SPAG9: variants seen among roughly 807,000 people sequenced by gnomAD.
The protein encoded by SPAG9 is C-Jun-amino-terminal kinase-interacting protein 4.
In SPAG9, 35 loss-of-function variants were observed where a neutral mutation model predicts 166.5. The observed-to-expected ratio is 0.21, with a 90% CI of 0.16 to 0.28. The LOEUF (loss-of-function observed/expected upper bound fraction) is 0.28. Among genes scored for constraint, SPAG9 ranks in the 10% least tolerant of loss-of-function variants. The pLI, the probability that SPAG9 is intolerant of heterozygous loss-of-function variation, is 1.00. For synonymous variants in SPAG9, 534 were observed against 565.5 expected (o/e 0.94, Z 0.79); for missense variants, 1,235 against 1,603.3 (o/e 0.77, Z 3.92).
At chr17:50,995,342 C>T in intron 17 of SPAG9, 102 bp downstream of exon 17, 1 of 1,295,930 alleles carries the variant, frequency 7.7e-7, no homozygotes, top group Non-Finnish European at 1.1e-6. Flanking sequence ...ATAAAATGAA[C>T]AATAACCTCA....
chr17:51,020,576 T>A (rs542151427), intron 7 of SPAG9, among the ~76,000 whole-genome samples: 1 of 152,324 alleles, frequency 6.6e-6, no homozygotes, highest in East Asian at 1.9e-4. Context: ...TAAACTAAGA[T>A]AGGGGACAGA....
At chr17:51,052,509 T>C (rs2047208433) in intron 3 of SPAG9, among the ~76,000 whole-genome samples, 1 of 152,122 alleles carries the variant, frequency 6.6e-6, no homozygotes, top group African/African-American at 2.4e-5. Context: ...TGAAAAGAGC[T>C]TTTGGGCGGC....
At chr17:51,106,872 A>G (rs1017352422) in intron 1 of SPAG9, among the ~76,000 whole-genome samples, 2 of 150,724 alleles carry the variant, frequency 1.3e-5, no homozygotes, top group Non-Finnish European at 1.5e-5. Flanking sequence ...GGGAGGCTGA[A>G]GTGTGCAGAT....
At chr17:50,988,450 T>A (rs1008035108) in intron 21 of SPAG9, among the ~76,000 whole-genome samples, 3 of 152,222 alleles carry the variant, frequency 2.0e-5, no homozygotes, top group Non-Finnish European at 4.4e-5. Context: ...GACTCTCATC[T>A]AGAGGGGATC....
chr17:51,102,799 T>C (rs924542850), intron 1 of SPAG9, among the ~76,000 whole-genome samples: 4 of 152,110 alleles, frequency 2.6e-5, no homozygotes, highest in African/African-American at 9.7e-5. Flanking sequence ...CCACTGCACC[T>C]GGCATTATTA....
At position 50,991,939 on chromosome 17, in the gene SPAG9, TTTTTTTTTTTTTTA is replaced by T. The variant is rs1309519412; in HGVS notation, c.2399-1285_2399-1272del. ...ATGCCAGGTCTTTTTTTTTTTTTTT[TTTTTTTTTTTTTTA>T]AAACACAGGGTCTTACTCCCATTGC... On this transcript the variant is annotated intron_variant, in intron 19 of 29. Coordinates refer to ENST00000262013, the MANE Select transcript of SPAG9 (RefSeq NM_001130528.3). Among the ~76,000 whole-genome samples, 11 of 136,782 alleles carry T rather than the reference TTTTTTTTTTTTTTA, an allele frequency of 8.0e-5. 1 individual carries two copies. Among genetic ancestry groups the T allele is most frequent in the African/African-American group, 2.7e-4 (9 of 33,304 alleles). 89.7% of individuals were successfully genotyped at this position (136,782 alleles called of 152,430 possible). A position where few individuals can be genotyped will look rare whatever the true frequency, so the allele number is the denominator to read the frequency against.
At chr17:50,992,955 G>T (rs1337194141) in intron 19 of SPAG9, among the ~76,000 whole-genome samples, 1 of 151,966 alleles carries the variant, frequency 6.6e-6, no homozygotes, top group African/African-American at 2.4e-5. Context: ...AATTAGCCGG[G>T]TGTAGTGGCT....
At chr17:50,984,087 T>G (rs1047249913) in intron 24 of SPAG9, among the ~76,000 whole-genome samples, 2 of 152,328 alleles carry the variant, frequency 1.3e-5, no homozygotes, top group East Asian at 3.9e-4. Context: ...GTATCATTTT[T>G]GGTTGACACA....
At chr17:51,066,074 A>G (rs190679872) in intron 2 of SPAG9, among the ~76,000 whole-genome samples, 2 of 152,112 alleles carry the variant, frequency 1.3e-5, no homozygotes, top group Non-Finnish European at 2.9e-5. Flanking sequence ...AAAAGTTAGC[A>G]TTCCAAATTA....
chr17:51,062,490 T>A (rs986028303), intron 2 of SPAG9, among the ~76,000 whole-genome samples: 1 of 152,236 alleles, frequency 6.6e-6, no homozygotes, highest in Non-Finnish European at 1.5e-5. Flanking sequence ...TCCATAGTTT[T>A]GCCTTTTCCA....
At chr17:50,989,493 T>C (rs1975356622) in intron 21 of SPAG9, 184 bp downstream of exon 21, 2 of 654,788 alleles carry the variant, frequency 3.1e-6, no homozygotes, top group African/African-American at 1.8e-5. Flanking sequence ...ACAGAAGAAA[T>C]GGGGGGGAAT....
intron 1 of SPAG9, among the ~76,000 whole-genome samples, chr17:51,107,100 CAAAAA>C (rs527593488): frequency 2.3e-5 from 2 of 87,858 alleles, no homozygotes; most frequent in African/African-American, 4.2e-5. Flanking sequence ...TGCTCCATCT[CAAAAA>C]AAAAAAAAAA....
At chr17:51,060,194 G>A (rs1396420730) in intron 2 of SPAG9, among the ~76,000 whole-genome samples, 1 of 151,918 alleles carries the variant, frequency 6.6e-6, no homozygotes, top group Non-Finnish European at 1.5e-5. Flanking sequence ...CTGCATTTGG[G>A]GGATAGGGCC....
chr17:50,975,839 G>T, intron 27 of SPAG9: 2 of 1,526,864 alleles, frequency 1.3e-6, no homozygotes, highest in Non-Finnish European at 1.8e-6. Context: ...AGGAAGAAGA[G>T]TTTGGTTCAG....
chr17:50,981,922 A>C (rs528570672), intron 25 of SPAG9, among the ~76,000 whole-genome samples: 110 of 152,070 alleles, frequency 7.2e-4, no homozygotes, highest in African/African-American at 2.5e-3. Context: ...AATCCCAGCT[A>C]CTTTGGAGGC....
intron 1 of SPAG9, among the ~76,000 whole-genome samples, chr17:51,090,492 C>T (rs2048436006): frequency 6.6e-6 from 1 of 152,004 alleles, no homozygotes; most frequent in Non-Finnish European, 1.5e-5. Context: ...GGCAACAGAG[C>T]AAGACTCCAT....
intron 3 of SPAG9, among the ~76,000 whole-genome samples, chr17:51,048,309 G>A (rs1465388718): frequency 6.6e-6 from 1 of 151,982 alleles, no homozygotes; most frequent in Non-Finnish European, 1.5e-5. Context: ...AAAGGCCTTT[G>A]CTAGAGATAC....
intron 1 of SPAG9, among the ~76,000 whole-genome samples, chr17:51,089,986 A>AT (rs1216022256): frequency 3.3e-5 from 5 of 151,376 alleles, no homozygotes; most frequent in Non-Finnish European, 7.4e-5. Flanking sequence ...CATATATACT[A>AT]TTTTTTTAAA....
rs188076794 is a variant in SPAG9, at chr17:51,050,555, C to T, written c.496-3086G>A. On this transcript the variant is annotated intron_variant, in intron 3 of 29. Coordinates refer to ENST00000262013, the MANE Select transcript of SPAG9 (RefSeq NM_001130528.3). ...CTTAATTCTCTGAGCAGGCAATGAG[C>T]CCATTGTCCTTTCTTCCTCATACCC... 2.0e-3 allele frequency among the ~76,000 whole-genome samples: 300 copies of T among 152,262 alleles called. 1 individual carries two copies. The highest frequency in any genetic ancestry group is 6.5e-3 in the African/African-American group (270 of 41,540).
Sources: allele counts gnomAD v4.1 joint callset (sites outside exome capture counted in the v4.1 genomes callset), GRCh38; gene constraint gnomAD v4.1.1; transcripts MANE v1.5; gene names NCBI Gene and HGNC (gene_info 2026-07-23, HGNC 2026-07-21).